SKP2: variants seen among roughly 807,000 people sequenced by gnomAD.
SKP2 encodes S-phase kinase associated protein 2.
A neutral mutation model predicts 51.8 loss-of-function variants in SKP2; 16 were observed. The observed-to-expected ratio is 0.31, with a 90% confidence interval of 0.21 to 0.47. The LOEUF (loss-of-function observed/expected upper bound fraction) is 0.47. Among genes scored for constraint, SKP2 ranks in the 20% least tolerant of loss-of-function variants. The pLI is 1.00. For synonymous variants in SKP2, 176 were observed against 198.6 expected (o/e 0.89, Z 0.96); for missense variants, 377 against 505.3 (o/e 0.75, Z 2.43).
At chr5:36,159,988 G>C (rs906654015) in intron 2 of SKP2, among the ~76,000 whole-genome samples, 1 of 152,168 alleles carries the variant, frequency 6.6e-6, no homozygotes, top group Non-Finnish European at 1.5e-5. Flanking sequence ...GGAAAGGAGA[G>C]GAATATAGAA....
At chr5:36,175,542 T>G (rs78088960) in intron 7 of SKP2, among the ~76,000 whole-genome samples, 9,730 of 152,100 alleles carry the variant, frequency 0.064, 761 homozygotes, top group African/African-American at 0.18. Flanking sequence ...TTCTTCCAAA[T>G]TCTGAAAAGT....
chr5:36,171,817 C>A, intron 7 of SKP2, 84 bp downstream of exon 7: 2 of 1,376,222 alleles, frequency 1.5e-6, no homozygotes, highest in African/African-American at 1.4e-5. Context: ...CATTCCTCCA[C>A]ATAAGTTTTC....
At chr5:36,177,993 T>C (rs1745688057) in intron 9 of SKP2, among the ~76,000 whole-genome samples, 1 of 152,018 alleles carries the variant, frequency 6.6e-6, no homozygotes, top group East Asian at 1.9e-4. Flanking sequence ...ATCAAGGGAG[T>C]GCAAGAAAGC....
At chr5:36,168,826 A>G (rs961254795) in intron 5 of SKP2, among the ~76,000 whole-genome samples, 12 of 152,232 alleles carry the variant, frequency 7.9e-5, no homozygotes. Flanking sequence ...AAGAAGGTAA[A>G]CTATTTATGA....
chr5:36,155,519 GAC>G (rs1322054535), intron 2 of SKP2, among the ~76,000 whole-genome samples: 1 of 152,198 alleles, frequency 6.6e-6, no homozygotes, highest in African/African-American at 2.4e-5. Context: ...GCATGCCACT[GAC>G]ACGTAACAAT....
chr5:36,166,381 C>A, intron 3 of SKP2, 138 bp from the exon 4 acceptor site: 2 of 675,630 alleles, frequency 3.0e-6, no homozygotes, highest in Admixed American at 2.7e-5. Flanking sequence ...ATTGTATAGC[C>A]AACTTAAAAA....
chr5:36,158,115 C>T (rs1745009607), intron 2 of SKP2, among the ~76,000 whole-genome samples: 1 of 152,154 alleles, frequency 6.6e-6, no homozygotes, highest in African/African-American at 2.4e-5. Flanking sequence ...ATTTAACTGC[C>T]GTCCATGTCA....
In SKP2 at chr5:36,152,345, A is replaced by T. The variant is rs1438311698; in HGVS notation, c.8+75A>T. ...ATTCTTTTAGGCCGCGAATATCGCTACTGGCTAATATTGTTAGTAATGCTG... is the reference window on the plus strand; with the variant it reads ...ATTCTTTTAGGCCGCGAATATCGCTTCTGGCTAATATTGTTAGTAATGCTG... On this transcript the variant is annotated intron_variant, in intron 1 of 9. Coordinates refer to ENST00000274255, the MANE Select transcript of SKP2 (RefSeq NM_005983.4). 1.0e-5 allele frequency: 14 copies of T among 1,339,684 alleles called. 1 individual carries two copies. The East Asian group carries it at 1.4e-4, about 13-fold the overall frequency. 83.0% of individuals were successfully genotyped at this position (1,339,684 alleles called of 1,614,324 possible).
In SKP2 at chr5:36,182,724, T is replaced by G. The variant is rs1266416699; in HGVS notation, c.*693T>G. The G allele has an allele frequency of 4.1e-6, 4 of 978,010 alleles. No homozygotes were observed. In the African/African-American group the frequency reaches 7.0e-5, roughly 17 times the overall value. The allele number at this position is 978,010 out of a possible 1,614,324, so 60.6% of individuals were successfully genotyped here. ...TTCTATGACAGGTTAATCTGAAGTATCCTGTAATGTTCATTAAGTTACTGT... is the reference window on the plus strand; with the variant it reads ...TTCTATGACAGGTTAATCTGAAGTAGCCTGTAATGTTCATTAAGTTACTGT... On this transcript the variant is annotated 3_prime_UTR_variant, in exon 10 of 10. Transcript: ENST00000274255.
intron 2 of SKP2, among the ~76,000 whole-genome samples, chr5:36,161,287 A>G (rs1324932402): frequency 1.1e-5 from 1 of 89,780 alleles, no homozygotes; most frequent in Non-Finnish European, 2.7e-5. Flanking sequence ...AAATACAAAA[A>G]TTGTTAAAAA....
intron 3 of SKP2, 55 bp from the exon 4 acceptor site, chr5:36,166,464 G>A (rs563480103): frequency 8.2e-5 from 125 of 1,517,638 alleles, no homozygotes; most frequent in Non-Finnish European, 1.0e-4. Flanking sequence ...GTTGTTGAGG[G>A]CTTCCAGCAT....
rs759848490 is a variant in SKP2, at chr5:36,183,997, GT to G, written c.*1970del. ...ATGTGATTTCTACTTTTATAGACTTGTTTTAAAACAATAAAACACATTTTTA... is the reference window on the plus strand; with the variant it reads ...ATGTGATTTCTACTTTTATAGACTTGTTTAAAACAATAAAACACATTTTTA... On this transcript the variant is annotated 3_prime_UTR_variant, in exon 10 of 10. Coordinates refer to ENST00000274255, the MANE Select transcript of SKP2 (RefSeq NM_005983.4). The G allele has an allele frequency of 5.1e-6, 8 of 1,556,976 alleles. No individual in the cohort carries two copies. The South Asian group carries it at 8.1e-5, about 16-fold the overall frequency.
At chr5:36,172,266 A>G (rs1026021778) in intron 7 of SKP2, among the ~76,000 whole-genome samples, 1 of 128,666 alleles carries the variant, frequency 7.8e-6, no homozygotes, top group Non-Finnish European at 1.8e-5. Flanking sequence ...TTGAAAAACT[A>G]TTATAAACTC....
chr5:36,152,809 T>A lies in SKP2; in HGVS notation c.47T>A (p.Val16Asp). Residue 16 changes from valine (V) to aspartate (D), a missense_variant, in exon 2 of 10, where the codon GTT becomes GAT. By Grantham distance (152) the Val-to-Asp change is radical. Around this residue, in one of 2 missense-constraint regions of SKP2, gnomAD observed 115 missense variants for 115.5 expected, o/e 1.00. Transcript: ENST00000274255. ...GAGATTCCAGACCTGAGTAGCAACG[T>A]TGCCACCAGCTTCACGTGGGGATGG... ...LQEIPDLSSN[V>D]ATSFTWGWDS... The A allele has an allele frequency of 6.2e-7, 1 of 1,614,054 alleles. No individual in the cohort carries two copies. The highest frequency in any genetic ancestry group is 8.5e-7 in the Non-Finnish European group (1 of 1,180,008).
intron 9 of SKP2, among the ~76,000 whole-genome samples, chr5:36,178,688 TC>T (rs1745710091): frequency 6.6e-6 from 1 of 152,132 alleles, no homozygotes; most frequent in Non-Finnish European, 1.5e-5. Context: ...GCCTCCTGCT[TC>T]TTTGCCTGTG....
intron 2 of SKP2, among the ~76,000 whole-genome samples, chr5:36,159,826 C>T (rs1250598160): frequency 1.3e-5 from 2 of 152,214 alleles, no homozygotes; most frequent in African/African-American, 2.4e-5. Flanking sequence ...GCTTCAGAAT[C>T]TGCTTCTGGG....
chr5:36,183,643 A>G lies in SKP2; in HGVS notation c.*1612A>G, dbSNP rs1353291712. The G allele has an allele frequency of 8.2e-7, 1 of 1,218,060 alleles. No individual in the cohort carries two copies. The highest frequency in any genetic ancestry group is 4.3e-5 in the Admixed American group (1 of 23,130). The allele number at this position is 1,218,060 out of a possible 1,614,324, so 75.5% of individuals were successfully genotyped here. A position where few individuals can be genotyped will look rare whatever the true frequency, so the allele number is the denominator to read the frequency against. ...CGTATGTTCAAAATGTAACAACAAA[A>G]AAAGCTAACACCAGTCATTTATATT... On this transcript the variant is annotated 3_prime_UTR_variant, in exon 10 of 10. Transcript: ENST00000274255.
In SKP2 at chr5:36,181,702, A is replaced by G. The variant is rs145916268; in HGVS notation, c.1062-116A>G. On this transcript the variant is annotated intron_variant, in intron 9 of 9. Transcript: ENST00000274255. ...TTTCTCAAATCATTTATTGTAAATT[A>G]CACTTTCAGACTGCATTTTGTAGAT... 4.0e-6 allele frequency: 4 copies of G among 1,001,346 alleles called. No homozygotes were observed. The South Asian group carries it at 4.6e-5, about 12-fold the overall frequency. 62.0% of individuals were successfully genotyped at this position (1,001,346 alleles called of 1,614,324 possible).
chr5:36,167,677 G>A (rs1745329810), intron 4 of SKP2, among the ~76,000 whole-genome samples: 1 of 152,038 alleles, frequency 6.6e-6, no homozygotes, highest in South Asian at 2.1e-4. Context: ...CTGGAGTGCA[G>A]TGGCGTGATC....
Sources: allele counts gnomAD v4.1 joint callset (sites outside exome capture counted in the v4.1 genomes callset), GRCh38; gene constraint gnomAD v4.1.1; regional missense constraint gnomAD v4.1.1; transcripts MANE v1.5; gene names NCBI Gene and HGNC (gene_info 2026-07-23, HGNC 2026-07-21).